PVT1: variants seen among roughly 807,000 people sequenced by gnomAD.
PVT1 encodes the protein Pvt1 oncogene.
At position 127,975,085 on chromosome 8, in the gene PVT1, G is replaced by A. The variant is rs149064740; in HGVS notation, n.783-14077G>A. ...GTTCTCTGTTGTTAAAAATTAAAGT[G>A]CCTAGTAGTTTGCCGTTACACTTCT... On this transcript the variant is annotated intron_variant and non_coding_transcript_variant, in intron 3 of 10. Transcript: ENST00000651587. 1.6e-3 allele frequency among the ~76,000 whole-genome samples: 248 copies of A among 152,268 alleles called. 1 individual carries two copies. The highest frequency in any genetic ancestry group is 3.0e-3 in the Non-Finnish European group (201 of 68,030).
At chr8:127,944,705 G>A (rs1015489394) in intron 3 of PVT1, among the ~76,000 whole-genome samples, 4 of 152,170 alleles carry the variant, frequency 2.6e-5, no homozygotes, top group Non-Finnish European at 4.4e-5. Context: ...GGGAAGAAGC[G>A]TGGCCATATG....
At chr8:127,854,861 A>T (rs1030410594) in intron 2 of PVT1, 2 of 292,118 alleles carry the variant, frequency 6.8e-6, no homozygotes, top group Non-Finnish European at 1.3e-5. Context: ...CAGGAATACC[A>T]TTTATCCATT....
intron 2 of PVT1, among the ~76,000 whole-genome samples, chr8:127,810,436 C>T (rs1304803652): frequency 6.6e-6 from 1 of 152,232 alleles, no homozygotes; most frequent in Non-Finnish European, 1.5e-5. Context: ...CCTGGTGCGT[C>T]AGAGGCTCTC....
chr8:128,015,589 A>G (rs1413928438), intron 4 of PVT1, among the ~76,000 whole-genome samples: 1 of 152,002 alleles, frequency 6.6e-6, no homozygotes, highest in African/African-American at 2.4e-5. Flanking sequence ...CCTGGCCAAC[A>G]TGGTGAAACC....
intron 3 of PVT1, among the ~76,000 whole-genome samples, chr8:127,899,561 G>T (rs138642964): frequency 6.6e-6 from 1 of 152,196 alleles, no homozygotes; most frequent in African/African-American, 2.4e-5. Flanking sequence ...CTGGGAAACT[G>T]CCTGAGAGCT....
exon 5 of PVT1, chr8:128,070,190 T>C (rs1004068147): frequency 6.6e-6 from 1 of 152,426 alleles, no homozygotes; most frequent in Non-Finnish European, 1.5e-5. Context: ...GTTCACCTGG[T>C]TCATCTGAGG....
At chr8:128,016,426 A>T (rs887951125) in intron 4 of PVT1, among the ~76,000 whole-genome samples, 3 of 152,214 alleles carry the variant, frequency 2.0e-5, no homozygotes, top group African/African-American at 7.2e-5. Flanking sequence ...GATTGTTTGT[A>T]GGTACACATG....
chr8:127,876,759 G>A (rs1007599544), intron 2 of PVT1, among the ~76,000 whole-genome samples: 2 of 152,168 alleles, frequency 1.3e-5, no homozygotes, highest in African/African-American at 2.4e-5. Flanking sequence ...CCTCCGTGGC[G>A]CTTGGGTGAC....
chr8:128,025,143 C>T (rs1002631048), intron 4 of PVT1, among the ~76,000 whole-genome samples: 2 of 152,236 alleles, frequency 1.3e-5, no homozygotes, highest in African/African-American at 4.8e-5. Context: ...TGGGCTGGCG[C>T]AGGCCAGGCA....
chr8:128,058,435 T>C (rs925200134), intron 4 of PVT1, among the ~76,000 whole-genome samples: 1 of 151,950 alleles, frequency 6.6e-6, no homozygotes, highest in Non-Finnish European at 1.5e-5. Context: ...GGTATATATA[T>C]TAGTTTGTAA....
chr8:128,014,877 A>C (rs1193674740), intron 4 of PVT1, among the ~76,000 whole-genome samples: 2 of 152,100 alleles, frequency 1.3e-5, no homozygotes, highest in Non-Finnish European at 2.9e-5. Flanking sequence ...TCTGGACTCT[A>C]GGGGCACTTA....
At chr8:128,013,520 G>A (rs1419926250) in intron 4 of PVT1, among the ~76,000 whole-genome samples, 1 of 151,936 alleles carries the variant, frequency 6.6e-6, no homozygotes, top group Non-Finnish European at 1.5e-5. Context: ...AATGTTTATT[G>A]AACACTTGCT....
At chr8:127,843,119 G>T (rs1238713119) in intron 2 of PVT1, among the ~76,000 whole-genome samples, 3 of 152,196 alleles carry the variant, frequency 2.0e-5, no homozygotes, top group African/African-American at 7.2e-5. Context: ...ACTTTGGGAG[G>T]CTGAGGCGGG....
chr8:127,833,189 G>A (rs1236339685), intron 2 of PVT1, among the ~76,000 whole-genome samples: 1 of 152,148 alleles, frequency 6.6e-6, no homozygotes, highest in Non-Finnish European at 1.5e-5. Flanking sequence ...GTACTGTTCT[G>A]GGTTGTTGAG....
At chr8:127,866,219 C>T (rs1453169254) in intron 2 of PVT1, among the ~76,000 whole-genome samples, 1 of 152,172 alleles carries the variant, frequency 6.6e-6, no homozygotes, top group Non-Finnish European at 1.5e-5. Flanking sequence ...CTGGCTGTGT[C>T]CCTGCTCTGG....
At chr8:127,843,319 TGCGCAACAGAG>T (rs1814993444) in intron 2 of PVT1, among the ~76,000 whole-genome samples, 1 of 152,182 alleles carries the variant, frequency 6.6e-6, no homozygotes, top group South Asian at 2.1e-4. Flanking sequence ...CACTCCAGCT[TGCGCAACAGAG>T]CGAGACTCTG....
intron 2 of PVT1, among the ~76,000 whole-genome samples, chr8:127,882,241 C>T (rs1225627354): frequency 6.6e-6 from 1 of 152,096 alleles, no homozygotes; most frequent in Admixed American, 6.5e-5. Context: ...GCAGCTGATC[C>T]ATGTCATCCC....
intron 3 of PVT1, among the ~76,000 whole-genome samples, chr8:127,902,371 C>T (rs945336926): frequency 1.5e-4 from 23 of 151,124 alleles, no homozygotes; most frequent in Non-Finnish European, 3.1e-4. Flanking sequence ...AGGCATTGTG[C>T]GAGGCTGCAT....
At chr8:127,862,917 GC>G (rs761756704) in intron 2 of PVT1, among the ~76,000 whole-genome samples, 22 of 151,982 alleles carry the variant, frequency 1.4e-4, no homozygotes, top group Non-Finnish European at 2.5e-4. Context: ...GAACCGGGGT[GC>G]CCCACAGTAA....
Sources: allele counts gnomAD v4.1 joint callset (sites outside exome capture counted in the v4.1 genomes callset), GRCh38; gene constraint gnomAD v4.1.1; transcripts MANE v1.5; gene names NCBI Gene and HGNC (gene_info 2026-07-23, HGNC 2026-07-21).